The following ARHGEF4 variants were observed in gnomAD, a reference collection of about 807,000 sequenced individuals.
ARHGEF4 encodes Rho guanine nucleotide exchange factor 4, also known as APC-stimulated guanine nucleotide exchange factor 1.
A neutral mutation model predicts 162.0 loss-of-function variants in ARHGEF4; 119 were observed. The observed-to-expected ratio is 0.73, with a 90% CI of 0.63 to 0.86. The LOEUF (loss-of-function observed/expected upper bound fraction) is 0.86. Ranked by LOEUF, ARHGEF4 falls within the 40% of genes least tolerant of loss-of-function variation. The pLI is 0.00. For missense variants in ARHGEF4, 2,488 were observed against 2,456.0 expected, an observed-to-expected ratio of 1.01 and a Z score of -0.28; for synonymous variants, 1,014 against 979.9, an observed-to-expected ratio of 1.03 and a Z score of -0.65.
chr2:130,853,460 A>T (rs1681552535), intron 1 of ARHGEF4, among the ~76,000 whole-genome samples: 1 of 152,134 alleles, frequency 6.6e-6, no homozygotes, highest in African/African-American at 2.4e-5. Flanking sequence ...TCTGAACCTC[A>T]ATCATGTGCT....
At chr2:130,937,349 A>G (rs571058319) in intron 3 of ARHGEF4, among the ~76,000 whole-genome samples, 40 of 152,230 alleles carry the variant, frequency 2.6e-4, no homozygotes, top group Admixed American at 7.2e-4. Context: ...GAAAATCTCA[A>G]TTGGCCATCT....
chr2:130,932,859 C>G (rs1682715072), intron 3 of ARHGEF4, among the ~76,000 whole-genome samples: 1 of 152,096 alleles, frequency 6.6e-6, no homozygotes, highest in African/African-American at 2.4e-5. Context: ...TGTAGTTACC[C>G]AAACACCATG....
At chr2:130,879,196 T>C (rs1485750395) in intron 1 of ARHGEF4, among the ~76,000 whole-genome samples, 2 of 152,236 alleles carry the variant, frequency 1.3e-5, no homozygotes, top group Non-Finnish European at 2.9e-5. Flanking sequence ...ATCTTCATAT[T>C]CTGTCAGGCA....
chr2:130,974,616 AT>A (rs70994726), intron 4 of ARHGEF4, among the ~76,000 whole-genome samples: 48,686 of 133,984 alleles, frequency 0.36, 8,175 homozygotes, highest in African/African-American at 0.48. Flanking sequence ...ACACCCAGCT[AT>A]TTTTTTTTTT....
At chr2:130,980,818 T>C (rs1299766894) in intron 4 of ARHGEF4, among the ~76,000 whole-genome samples, 1 of 152,242 alleles carries the variant, frequency 6.6e-6, no homozygotes, top group Non-Finnish European at 1.5e-5. Context: ...GAATGTCACT[T>C]TAAATTAGTT....
At chr2:130,964,323 C>A (rs573095596) in intron 4 of ARHGEF4, 11 of 908,122 alleles carry the variant, frequency 1.2e-5, no homozygotes, top group African/African-American at 1.8e-5. Context: ...CCCCCGCCCC[C>A]CTCCTGCCTT....
At position 131,028,041 on chromosome 2, in the gene ARHGEF4, A is replaced by G; in HGVS notation, c.4082A>G (p.Tyr1361Cys). The G allele has an allele frequency of 1.2e-6, 2 of 1,614,064 alleles. No individual in the cohort carries two copies. The highest frequency in any genetic ancestry group is 1.7e-6 in the Non-Finnish European group (2 of 1,180,010). ...GACCTGCACAGCTCCAGCCACCACT[A>G]CAGCCACCCTGGAGGGGGTGGGGAG... ...YDDLHSSSHH[Y>C]SHPGGGGEQL... The change falls in exon 5 of 14, where the codon TAC becomes TGC. Residue 1361 changes from tyrosine (Y) to cysteine (C), a missense_variant. Physicochemically the swap from Tyr to Cys is radical, Grantham distance 194. This residue lies in a region of ARHGEF4 where 1,642 missense variants were observed against 1,481.5 expected (regional missense o/e 1.11). Coordinates refer to ENST00000409359, the MANE Select transcript of ARHGEF4 (RefSeq NM_001367493.1).
rs114369641 is a variant in ARHGEF4, at chr2:130,988,232, G to A, written c.3986-39713G>A. On this transcript the variant is annotated intron_variant, in intron 4 of 13. Transcript: ENST00000409359. Reference sequence around the variant, plus strand: ...TCTGGCAGTCACCTCCTCCGCAGCCGTGTCCCCAGGCTCACAGGAGCCACC... The same window carrying A: ...TCTGGCAGTCACCTCCTCCGCAGCCATGTCCCCAGGCTCACAGGAGCCACC... 1.4e-3 allele frequency among the ~76,000 whole-genome samples: 211 copies of A among 152,312 alleles called. 1 individual carries two copies. Among genetic ancestry groups the A allele is most frequent in the African/African-American group, 5.0e-3 (206 of 41,570 alleles).
chr2:130,877,364 A>C (rs1655261564), intron 1 of ARHGEF4, among the ~76,000 whole-genome samples: 1 of 152,244 alleles, frequency 6.6e-6, no homozygotes, highest in Non-Finnish European at 1.5e-5. Flanking sequence ...TGGAAAGCCT[A>C]ACTTGAGCTA....
intron 1 of ARHGEF4, among the ~76,000 whole-genome samples, chr2:130,839,910 G>C (rs2104847834): frequency 6.6e-6 from 1 of 152,254 alleles, no homozygotes; most frequent in East Asian, 1.9e-4. Context: ...TTGCTACTTG[G>C]TTTCCTCCAA....
At position 131,043,492 on chromosome 2, in the gene ARHGEF4, CG is replaced by C. The variant is rs1690980661; in HGVS notation, c.5071del (p.Glu1691SerfsTer2). 1.2e-6 allele frequency: 2 copies of C among 1,614,034 alleles called. No homozygotes were observed. Among genetic ancestry groups the C allele is most frequent in the African/African-American group, 1.3e-5 (1 of 75,038 alleles). ...GTCAGGAGCTCAGAACTCATCTACT[CG>C]GGGGAGCTGACTCGAGTTACACAGC... The part of the protein sequence containing the change: ...LLVRSSELIY[S>X]GELTRVTQPQ... On this transcript the variant is annotated frameshift_variant, in exon 11 of 14. Coordinates refer to ENST00000409359, the MANE Select transcript of ARHGEF4 (RefSeq NM_001367493.1). LOFTEE classifies it high-confidence loss of function.
rs1320843791 is a variant in ARHGEF4 at position 131,040,284 on chromosome 2, G to T, written c.4506G>T (p.Lys1502Asn). The change falls in exon 8 of 14, where the codon AAG becomes AAT. Residue 1502 changes from lysine (K) to asparagine (N), a missense_variant. By Grantham distance (94) the Lys-to-Asn change is moderately conservative (BLOSUM62 0). Around this residue, in one of 6 missense-constraint regions of ARHGEF4, gnomAD observed 415 missense variants for 512.4 expected, o/e 0.81. Coordinates refer to ENST00000409359, the MANE Select transcript of ARHGEF4 (RefSeq NM_001367493.1). ...AGGGCTACGTCCGGCAGTGCCGCAA[G>T]CGCGCAGACATGTTCAGCGAGGAGC... Reference protein sequence around the residue: ...ICEGYVRQCRKRADMFSEEQL... With the variant: ...ICEGYVRQCRNRADMFSEEQL... 2.5e-6 allele frequency: 4 copies of T among 1,613,014 alleles called. No homozygotes were observed.
intron 4 of ARHGEF4, among the ~76,000 whole-genome samples, chr2:131,018,263 T>C (rs765194200): frequency 2.6e-4 from 40 of 152,228 alleles, no homozygotes; most frequent in Non-Finnish European, 4.9e-4. Flanking sequence ...TTGTTGTTTT[T>C]GTAATGACCA....
rs1442504902 is a variant in ARHGEF4 at position 130,914,949 on chromosome 2, G to T, written c.1003G>T (p.Val335Phe). ...CAACTGTGGGCACATGAGGGCACTG[G>T]TCAGGGCCCATTCCATAGCAGGGTT... ...RLNCGHMRALVRAHSIAGFSP... is the reference protein window; with the variant it reads ...RLNCGHMRALFRAHSIAGFSP... The change falls in exon 2 of 14, where the codon GTC becomes TTC. Residue 335 changes from valine to phenylalanine, a missense_variant. Physicochemically the swap from Val to Phe is conservative, Grantham distance 50. Around this residue, in one of 6 missense-constraint regions of ARHGEF4, gnomAD observed 1,642 missense variants for 1,481.5 expected, o/e 1.11. Coordinates refer to ENST00000409359, the MANE Select transcript of ARHGEF4 (RefSeq NM_001367493.1). 1 of 1,548,810 alleles carries T rather than the reference G, an allele frequency of 6.5e-7. No individual in the cohort carries two copies. Among genetic ancestry groups the T allele is most frequent in the East Asian group, 2.4e-5 (1 of 40,920 alleles).
chr2:130,982,764 C>A (rs1243247098), intron 4 of ARHGEF4, among the ~76,000 whole-genome samples: 1 of 152,184 alleles, frequency 6.6e-6, no homozygotes, highest in African/African-American at 2.4e-5. Context: ...CTCTCCCTTA[C>A]TTACTGATTC....
intron 2 of ARHGEF4, among the ~76,000 whole-genome samples, chr2:130,923,578 G>C (rs1302658668): frequency 6.6e-6 from 1 of 152,188 alleles, no homozygotes; most frequent in Non-Finnish European, 1.5e-5. Flanking sequence ...ACACTGTACT[G>C]AATAATACAG....
At chr2:130,839,154 G>T (rs1193678765) in intron 1 of ARHGEF4, among the ~76,000 whole-genome samples, 1 of 152,074 alleles carries the variant, frequency 6.6e-6, no homozygotes. Context: ...GGCTGTGTGA[G>T]TGTGTCTTGC....
intron 1 of ARHGEF4, among the ~76,000 whole-genome samples, chr2:130,898,847 A>G (rs867959227): frequency 2.6e-5 from 4 of 152,276 alleles, no homozygotes; most frequent in Middle Eastern, 3.4e-3. Context: ...GACAGATTGT[A>G]GTCTCTGTGG....
intron 4 of ARHGEF4, among the ~76,000 whole-genome samples, chr2:130,975,479 A>T (rs1270331130): frequency 6.6e-6 from 1 of 152,066 alleles, no homozygotes; most frequent in Admixed American, 6.6e-5. Flanking sequence ...GGTACCAAAA[A>T]ACTCGGGACA....
Sources: allele counts gnomAD v4.1 joint callset (sites outside exome capture counted in the v4.1 genomes callset), GRCh38; gene constraint gnomAD v4.1.1; regional missense constraint gnomAD v4.1.1; transcripts MANE v1.5; gene names NCBI Gene and HGNC (gene_info 2026-07-23, HGNC 2026-07-21).